COL6A5: variants seen among roughly 807,000 people sequenced by gnomAD.
COL6A5 encodes the protein collagen type VI alpha 5 chain.
A neutral mutation model predicts 65.6 loss-of-function variants in COL6A5; 48 were observed. That is an observed-to-expected ratio of 0.73 (90% CI 0.58 to 0.93). COL6A5 has a LOEUF of 0.93. COL6A5 is among the 40% of genes least tolerant of loss of function. The pLI is 0.00. For missense variants in COL6A5, 914 were observed against 928.3 expected (o/e 0.98, Z 0.20); for synonymous variants, 291 against 322.8 (o/e 0.90, Z 1.05).
chr3:130,452,550 G>A (rs953955054), intron 4 of COL6A5, among the ~76,000 whole-genome samples: 2 of 152,138 alleles, frequency 1.3e-5, no homozygotes, highest in Admixed American at 1.3e-4. Flanking sequence ...TGTACGAATA[G>A]GGTGTGGGTC....
intron 12 of COL6A5, among the ~76,000 whole-genome samples, chr3:130,402,893 A>G (rs1936862898): frequency 6.6e-6 from 1 of 152,206 alleles, no homozygotes; most frequent in African/African-American, 2.4e-5. Flanking sequence ...GAGATCAACA[A>G]TACTTGCTCA....
intron 6 of COL6A5, among the ~76,000 whole-genome samples, chr3:130,389,584 G>A (rs372664350): frequency 1.8e-4 from 27 of 150,978 alleles, no homozygotes; most frequent in African/African-American, 6.6e-4. Flanking sequence ...AAAACCCTGG[G>A]TATTTTAAAG....
At chr3:130,460,290 A>C (rs1214125522) in intron 5 of COL6A5, among the ~76,000 whole-genome samples, 1 of 152,142 alleles carries the variant, frequency 6.6e-6, no homozygotes, top group Non-Finnish European at 1.5e-5. Context: ...TTGTGGAATA[A>C]ACTGAGTCTC....
At chr3:130,361,442 A>G (rs1481733319) in intron 1 of COL6A5, among the ~76,000 whole-genome samples, 1 of 152,024 alleles carries the variant, frequency 6.6e-6, no homozygotes, top group East Asian at 1.9e-4. Context: ...TAAATAATCT[A>G]TTGGCCTGAA....
intron 1 of COL6A5, among the ~76,000 whole-genome samples, chr3:130,365,926 G>A (rs1458053643): frequency 2.0e-5 from 3 of 152,150 alleles, no homozygotes; most frequent in East Asian, 3.9e-4. Flanking sequence ...CCCACAGCCT[G>A]TTCTTTCTTA....
rs571974480 is a variant in COL6A5, at chr3:130,384,957, A to G, written c.1454A>G (p.Gln485Arg). ...GACAAAGTCCGAGTTGGAGTTGTGC[A>G]GTATTCAGATGACACAGAAGTGGAA... Residue 485 changes from glutamine to arginine, a missense_variant and NMD_transcript_variant, in exon 5 of 42, where the codon CAG (glutamine) becomes CGG (arginine). Gln to Arg is a conservative substitution (Grantham distance 43). Transcript: ENST00000312481. The G allele has an allele frequency of 2.6e-5, 40 of 1,551,066 alleles. 1 individual carries two copies. In the South Asian group the frequency reaches 4.6e-4, roughly 18 times the overall value.
At chr3:130,359,542 C>T (rs28537535) in intron 1 of COL6A5, among the ~76,000 whole-genome samples, 17,702 of 151,750 alleles carry the variant, frequency 0.12, 1,102 homozygotes, top group East Asian at 0.22. Flanking sequence ...TTTTAAAGTA[C>T]TTAAAGTTAT....
At chr3:130,482,860 G>A (rs1469587092) in intron 7 of COL6A5, among the ~76,000 whole-genome samples, 1 of 152,094 alleles carries the variant, frequency 6.6e-6, no homozygotes, top group African/African-American at 2.4e-5. Flanking sequence ...TATTGTTGGT[G>A]TAAAGAAATG....
intron 7 of COL6A5, 38 bp downstream of exon 39, chr3:130,471,005 C>T (rs1215069647): frequency 7.1e-7 from 1 of 1,399,764 alleles, no homozygotes. Context: ...AATACCACAA[C>T]TGGAAACAGT....
At chr3:130,410,074 A>G (rs1445634380) in exon 19 of COL6A5, 1 of 1,545,722 alleles carries the variant, frequency 6.5e-7, no homozygotes. Flanking sequence ...AAGGAAGACA[A>G]GTAATTTGAT....
chr3:130,453,898 C>G (rs75651379), intron 4 of COL6A5, among the ~76,000 whole-genome samples: 12,086 of 152,212 alleles, frequency 0.079, 1,046 homozygotes, highest in East Asian at 0.31. Context: ...ATTTCATTTA[C>G]TTGGTAATTT....
At chr3:130,472,503 G>A (rs929448233) in intron 7 of COL6A5, among the ~76,000 whole-genome samples, 25 of 151,886 alleles carry the variant, frequency 1.6e-4, no homozygotes, top group African/African-American at 5.8e-4. Context: ...TTGGCTCTAG[G>A]GCAGCGATTC....
chr3:130,366,832 T>C lies in COL6A5; in HGVS notation c.-28-6779T>C, dbSNP rs79815885. 2.3e-4 allele frequency among the ~76,000 whole-genome samples: 35 copies of C among 152,342 alleles called. No homozygotes were observed. In the East Asian group the frequency reaches 6.2e-3, roughly 27 times the overall value. Reference sequence around the variant, plus strand: ...TTGAAGTAAATGCCATAGACAGTTATTGTATGATGGAGCCTGCAGTGACAT... The same window carrying C: ...TTGAAGTAAATGCCATAGACAGTTACTGTATGATGGAGCCTGCAGTGACAT... On this transcript the variant is annotated intron_variant and NMD_transcript_variant, in intron 1 of 41. Coordinates refer to the COL6A5 transcript ENST00000312481.
chr3:130,393,067 GTTTT>G (rs59517354), intron 7 of COL6A5, among the ~76,000 whole-genome samples: 5,013 of 109,222 alleles, frequency 0.046, 111 homozygotes, highest in South Asian at 0.1. Context: ...TGCTTACAGT[GTTTT>G]TTTTTTGTGT....
At chr3:130,433,962 TAA>T (rs113628121) in intron 1 of COL6A5, among the ~76,000 whole-genome samples, 1 of 138,862 alleles carries the variant, frequency 7.2e-6, no homozygotes, top group Admixed American at 7.3e-5. Context: ...TTATTTCTTC[TAA>T]AAAAAAAAAC....
exon 4 of COL6A5, chr3:130,380,049 T>A: frequency 6.7e-7 from 1 of 1,499,872 alleles, no homozygotes; most frequent in South Asian, 1.3e-5. Flanking sequence ...TTGATAAAAC[T>A]GGTATGTTTT....
At chr3:130,379,516 ACCTT>A in exon 4 of COL6A5, 1 of 1,551,360 alleles carries the variant, frequency 6.4e-7, no homozygotes, top group Non-Finnish European at 8.7e-7. Flanking sequence ...GCATCTTCAG[ACCTT>A]CCTTGAGAAC....
At chr3:130,376,394 C>A in exon 3 of COL6A5, 1 of 1,613,506 alleles carries the variant, frequency 6.2e-7, no homozygotes, top group African/African-American at 1.3e-5. Context: ...CCCAGTACAG[C>A]GACGAGTTTC....
At chr3:130,395,657 A>G (rs562244696) in intron 8 of COL6A5, among the ~76,000 whole-genome samples, 192 bp downstream of exon 8, 1 of 152,296 alleles carries the variant, frequency 6.6e-6, no homozygotes, top group African/African-American at 2.4e-5. Flanking sequence ...TCCCTCAAAG[A>G]CATGGAAAGG....
Sources: gnomAD v4.1 joint callset for allele counts (sites outside exome capture counted in the v4.1 genomes callset) on GRCh38, gnomAD v4.1.1 for gene constraint, MANE v1.5 for transcripts, NCBI Gene and HGNC (gene_info 2026-07-23, HGNC 2026-07-21) for gene names.